Variants in ZNF780B observed in about 807,000 individuals in gnomAD.
The protein encoded by ZNF780B is zinc finger protein 779.
In ZNF780B, 52 loss-of-function variants were observed where a neutral mutation model predicts 74.1. That is an observed-to-expected ratio of 0.70 (90% CI 0.56 to 0.88). The LOEUF (loss-of-function observed/expected upper bound fraction) is 0.88, where lower values mean the gene tolerates loss of function less well. ZNF780B is among the 40% of genes least tolerant of loss of function. ZNF780B has a pLI of 0.00. For synonymous variants in ZNF780B, 315 were observed against 324.3 expected (o/e 0.97, Z 0.31); for missense variants, 953 against 1,007.6 (o/e 0.95, Z 0.73).
intron 3 of ZNF780B, 92 bp downstream of exon 3, chr19:40,048,578 C>T (rs1432373898): frequency 8.8e-6 from 14 of 1,594,562 alleles, no homozygotes; most frequent in Non-Finnish European, 1.2e-5. Context: ...AGGAATCCAA[C>T]TACCTCTTAA....
Position 40,035,925 on chromosome 19 carries a change from T to C in ZNF780B, c.934A>G (p.Met312Val). 1 of 1,613,808 alleles carries C rather than the reference T, an allele frequency of 6.2e-7. No individual in the cohort carries two copies. The highest frequency in any genetic ancestry group is 8.5e-7 in the Non-Finnish European group (1 of 1,179,944). ...EKPFVCRECE[M>V]AFRYHYQLIE... ...AGTTGGTAATGATATCGAAAGGCCA[T>C]CTCACATTCCCTACATACAAAGGGT... Residue 312 changes from methionine to valine, a missense_variant, in exon 5 of 5, where the codon ATG becomes GTG. Transcript: ENST00000434248.
chr19:40,035,584 G>A lies in ZNF780B; in HGVS notation c.1275C>T (p.Gly425=). The A allele has an allele frequency of 1.9e-6, 3 of 1,611,522 alleles. No individual in the cohort carries two copies. The highest frequency in any genetic ancestry group is 2.5e-6 in the Non-Finnish European group (3 of 1,179,246). ...KPYECKECGK[G]FNRGANLIQH... ...GAATAAGATTTGCACCACGATTAAA[G>A]CCTTTCCCACACTCCTTACATTCAT... The change falls in exon 5 of 5, where the codon GGC becomes GGT. Residue 425 remains glycine, a synonymous_variant. Coordinates refer to ENST00000434248, the MANE Select transcript of ZNF780B (RefSeq NM_001005851.3).
chr19:40,055,813 T>C (rs1427415167), intron 1 of ZNF780B, among the ~76,000 whole-genome samples: 1 of 152,164 alleles, frequency 6.6e-6, no homozygotes, highest in Non-Finnish European at 1.5e-5. Flanking sequence ...GACATTTTCA[T>C]TCCTCTGCTG....
chr19:40,039,770 A>G (rs113313250), intron 4 of ZNF780B, among the ~76,000 whole-genome samples: 4 of 152,042 alleles, frequency 2.6e-5, no homozygotes, highest in Non-Finnish European at 5.9e-5. Flanking sequence ...TGTATCCTGA[A>G]ACTTTGCTGA....
intron 4 of ZNF780B, among the ~76,000 whole-genome samples, chr19:40,039,972 C>T (rs1972553397): frequency 6.6e-6 from 1 of 152,060 alleles, no homozygotes; most frequent in African/African-American, 2.4e-5. Flanking sequence ...TGAGAGAGGG[C>T]ATCCCTGTCT....
In ZNF780B at chr19:40,036,434, T is replaced by C. The variant is rs1258527835; in HGVS notation, c.425A>G (p.Lys142Arg). ...QGHQEGYINQ[K>R]IISYEEMPAY... is the part of the protein sequence containing the mutation. ...AGGCATTTCTTCATAGCTGATGATC[T>C]TCTGGTTGATATATCCTTCTTGATG... The change falls in exon 5 of 5, where the codon AAG (lysine) becomes AGG (arginine). Residue 142 changes from lysine (K) to arginine (R), a missense_variant. Transcript: ENST00000434248. The C allele has an allele frequency of 3.7e-6, 6 of 1,609,058 alleles. No individual in the cohort carries two copies. Among genetic ancestry groups the C allele is most frequent in the Non-Finnish European group, 5.1e-6 (6 of 1,178,512 alleles).
Position 40,036,208 on chromosome 19 carries a change from A to G in ZNF780B, c.651T>C (p.Gly217=), listed in dbSNP as rs1182277748. 6.2e-7 allele frequency: 1 copy of G among 1,612,066 alleles called. No homozygotes were observed. Among genetic ancestry groups the G allele is most frequent in the South Asian group, 1.1e-5 (1 of 90,508 alleles). The change falls in exon 5 of 5, where the codon GGT becomes GGC. Residue 217 remains glycine, a synonymous_variant. Coordinates refer to ENST00000434248, the MANE Select transcript of ZNF780B (RefSeq NM_001005851.3). ...ATTCCTTACATTCAAAAGTTTTCTC[A>G]CCAGTATGAAATTTCTGATGTCGAG... ...QLTRHQKFHT[G]EKTFECKECG...
intron 2 of ZNF780B, 164 bp from the exon 3 acceptor site, chr19:40,048,960 A>C (rs1973074841): frequency 1.8e-6 from 2 of 1,130,136 alleles, no homozygotes; most frequent in African/African-American, 3.1e-5. Flanking sequence ...GTGGTGGCTC[A>C]TGCCTGTTAT....
At chr19:40,048,295 T>C (rs1321372728) in intron 3 of ZNF780B, among the ~76,000 whole-genome samples, 3 of 152,150 alleles carry the variant, frequency 2.0e-5, no homozygotes, top group Non-Finnish European at 2.9e-5. Flanking sequence ...CTCTTCTCCT[T>C]ACAGGTGGGC....
intron 4 of ZNF780B, among the ~76,000 whole-genome samples, chr19:40,037,218 A>ATTTTT (rs562892051): frequency 7.6e-6 from 1 of 131,814 alleles, no homozygotes; most frequent in East Asian, 2.2e-4. Context: ...CCTGGCCTCT[A>ATTTTT]TTTTTTTTTT....
At chr19:40,046,181 A>T (rs1972925258) in intron 4 of ZNF780B, among the ~76,000 whole-genome samples, 1 of 152,184 alleles carries the variant, frequency 6.6e-6, no homozygotes. Flanking sequence ...TCTAATGTTC[A>T]TAAGCAGAGT....
rs928354808 is a variant in ZNF780B, at chr19:40,032,515, G to A, written c.*1842C>T. ...GGGTGGATCACGAGGTCAGGAGATC[G>A]AGACCATCCTGGCTAACAGAGTGAA... On this transcript the variant is annotated 3_prime_UTR_variant, in exon 5 of 5. Transcript: ENST00000434248. 16 of 228,212 alleles carry A rather than the reference G, an allele frequency of 7.0e-5. No homozygotes were observed. Among genetic ancestry groups the A allele is most frequent in the African/African-American group, 7.1e-5 (3 of 42,206 alleles). The allele number at this position is 228,212 out of a possible 1,614,324, so 14.1% of individuals were successfully genotyped here.
At chr19:40,039,269 A>G (rs992068856) in intron 4 of ZNF780B, among the ~76,000 whole-genome samples, 3 of 152,178 alleles carry the variant, frequency 2.0e-5, no homozygotes. Flanking sequence ...CCATTGATCT[A>G]TATCTCTGTT....
At position 40,033,716 on chromosome 19, in the gene ZNF780B, C is replaced by T. The variant is rs548926934; in HGVS notation, c.*641G>A. ...AACTATAATGAATTTTCTGATGTTG[C>T]GTAAGCAGATCATTCACAGTAAGGG... is the stretch of plus-strand genomic sequence containing the variant. On this transcript the variant is annotated 3_prime_UTR_variant, in exon 5 of 5. Transcript: ENST00000434248. The T allele has an allele frequency of 7.6e-5, 12 of 158,302 alleles. No homozygotes were observed. Among genetic ancestry groups the T allele is most frequent in the East Asian group, 1.9e-4 (1 of 5,246 alleles). 9.8% of individuals were successfully genotyped at this position (158,302 alleles called of 1,614,324 possible).
In ZNF780B at chr19:40,034,946, T is replaced by C; in HGVS notation, c.1913A>G (p.Glu638Gly). ...LNHHKNIHTG[E>G]KPFKCKECGK... ...ACATTCTTTACATTTAAATGGCTTC[T>C]CACCTGTGTGAATGTTCTTATGGTG... Residue 638 changes from glutamate to glycine, a missense_variant, in exon 5 of 5, where the codon GAG becomes GGG. Coordinates refer to ENST00000434248, the MANE Select transcript of ZNF780B (RefSeq NM_001005851.3). 1 of 1,614,148 alleles carries C rather than the reference T, an allele frequency of 6.2e-7. No individual in the cohort carries two copies. Among genetic ancestry groups the C allele is most frequent in the South Asian group, 1.1e-5 (1 of 91,080 alleles).
intron 4 of ZNF780B, among the ~76,000 whole-genome samples, chr19:40,038,171 T>G (rs2144736321): frequency 6.6e-6 from 1 of 152,172 alleles, no homozygotes; most frequent in Non-Finnish European, 1.5e-5. Flanking sequence ...GGTGTTTGGT[T>G]TTTTGTCCTT....
At position 40,035,062 on chromosome 19, in the gene ZNF780B, G is replaced by T. The variant is rs763417702; in HGVS notation, c.1797C>A (p.His599Gln). 9.3e-6 allele frequency: 15 copies of T among 1,613,610 alleles called. No homozygotes were observed. In the East Asian group the frequency reaches 3.3e-4, roughly 36 times the overall value. The change falls in exon 5 of 5, where the codon CAC (histidine) becomes CAA (glutamine). Residue 599 changes from histidine (H) to glutamine (Q), a missense_variant. By Grantham distance (24) the His-to-Gln change is conservative (BLOSUM62 0). Transcript: ENST00000434248. ...TATGAAATTTCTGATGTCGAATAAG[G>T]TGCATATGAAGTCGAAAGGCTTTCC... ...ECGKAFRLHMHLIRHQKFHTG... is the reference protein window; with the variant it reads ...ECGKAFRLHMQLIRHQKFHTG...
At chr19:40,042,605 T>C (rs551770864) in intron 4 of ZNF780B, among the ~76,000 whole-genome samples, 1 of 152,350 alleles carries the variant, frequency 6.6e-6, no homozygotes, top group Non-Finnish European at 1.5e-5. Context: ...TCATTTCTTT[T>C]TATTCTTTTT....
Position 40,034,964 on chromosome 19 carries a change from T to G in ZNF780B, c.1895A>C (p.Lys632Thr), listed in dbSNP as rs1972181200. ...TGGCTTCTCACCTGTGTGAATGTTC[T>G]TATGGTGATTAAGCTGGGTGTGAAG... ...FSLHTQLNHH[K>T]NIHTGEKPFK... Residue 632 changes from lysine to threonine, a missense_variant, in exon 5 of 5, where the codon AAG becomes ACG. Physicochemically the swap from Lys to Thr is moderately conservative, Grantham distance 78 (BLOSUM62 -1). Transcript: ENST00000434248. 1 of 1,614,150 alleles carries G rather than the reference T, an allele frequency of 6.2e-7. No homozygotes were observed. Among genetic ancestry groups the G allele is most frequent in the Non-Finnish European group, 8.5e-7 (1 of 1,180,014 alleles).
Sources: gnomAD v4.1 joint callset for allele counts (sites outside exome capture counted in the v4.1 genomes callset) on GRCh38, gnomAD v4.1.1 for gene constraint, MANE v1.5 for transcripts, NCBI Gene and HGNC (gene_info 2026-07-23, HGNC 2026-07-21) for gene names.